Variants in FHIT observed in about 807,000 individuals in gnomAD.
The protein encoded by FHIT is bis(5'-adenosyl)-triphosphatase.
In FHIT, 19 loss-of-function variants were observed where a neutral mutation model predicts 17.9. The observed-to-expected ratio is 1.06, with a 90% CI of 0.74 to 1.56. FHIT has a LOEUF of 1.56. Among genes scored for constraint, FHIT ranks in the 40% most tolerant of loss-of-function variants. The pLI, the probability that FHIT is intolerant of heterozygous loss-of-function variation, is 0.00. For missense variants in FHIT, 248 were observed against 189.2 expected, an observed-to-expected ratio of 1.31 and a Z score of -1.82; for synonymous variants, 81 against 69.7, an observed-to-expected ratio of 1.16 and a Z score of -0.81.
At chr3:60,112,734 G>C (rs1319640442) in intron 5 of FHIT, among the ~76,000 whole-genome samples, 2 of 152,158 alleles carry the variant, frequency 1.3e-5, no homozygotes, top group African/African-American at 4.8e-5. Context: ...AATTCATCTA[G>C]AGCATACGAA....
intron 2 of FHIT, among the ~76,000 whole-genome samples, chr3:61,199,055 G>A (rs1196080023): frequency 6.6e-6 from 1 of 152,076 alleles, no homozygotes; most frequent in Non-Finnish European, 1.5e-5. Context: ...GCCAAAAACA[G>A]TATTATCCCC....
chr3:60,202,113 G>T (rs1024249085), intron 5 of FHIT, among the ~76,000 whole-genome samples: 2 of 152,186 alleles, frequency 1.3e-5, no homozygotes, highest in South Asian at 4.1e-4. Flanking sequence ...GTGCTATAAT[G>T]TTACAGTGGA....
chr3:60,487,707 C>G (rs1402221468), intron 5 of FHIT, among the ~76,000 whole-genome samples: 1 of 152,194 alleles, frequency 6.6e-6, no homozygotes. Flanking sequence ...AAATTCAAAA[C>G]ACTTCATCAT....
At chr3:60,378,948 T>A (rs1206177201) in intron 5 of FHIT, among the ~76,000 whole-genome samples, 2 of 152,232 alleles carry the variant, frequency 1.3e-5, no homozygotes, top group African/African-American at 4.8e-5. Flanking sequence ...TTGCAAGCAC[T>A]ACAATCAAGT....
intron 5 of FHIT, among the ~76,000 whole-genome samples, chr3:60,220,226 G>A (rs1430686706): frequency 6.6e-6 from 1 of 151,982 alleles, no homozygotes; most frequent in African/African-American, 2.4e-5. Context: ...TTTGGTTTTG[G>A]GAACATTTTA....
At chr3:59,958,426 G>C (rs1707509051) in intron 7 of FHIT, among the ~76,000 whole-genome samples, 1 of 152,158 alleles carries the variant, frequency 6.6e-6, no homozygotes, top group African/African-American at 2.4e-5. Context: ...GGCTACGGCA[G>C]AAAGGTAGGC....
chr3:61,159,437 T>C (rs892400177), intron 2 of FHIT, among the ~76,000 whole-genome samples: 2 of 152,192 alleles, frequency 1.3e-5, no homozygotes, highest in African/African-American at 2.4e-5. Flanking sequence ...CTTCATTCAG[T>C]GCACAGAAGA....
intron 2 of FHIT, among the ~76,000 whole-genome samples, chr3:61,085,960 C>G (rs1022114830): frequency 6.6e-6 from 1 of 152,114 alleles, no homozygotes; most frequent in Non-Finnish European, 1.5e-5. Flanking sequence ...TGTTCTGGTA[C>G]GTAGAAATAC....
chr3:60,948,220 C>T (rs1211334569), intron 3 of FHIT, among the ~76,000 whole-genome samples: 1 of 152,110 alleles, frequency 6.6e-6, no homozygotes, highest in African/African-American at 2.4e-5. Context: ...ATATATTAAC[C>T]TTGCTTCTGA....
At chr3:61,214,790 A>C (rs1308581820) in intron 1 of FHIT, among the ~76,000 whole-genome samples, 10 of 152,252 alleles carry the variant, frequency 6.6e-5, no homozygotes, top group Admixed American at 6.5e-4. Flanking sequence ...CCAGCAGCAC[A>C]TCACAAAGCT....
At position 60,561,853 on chromosome 3, in the gene FHIT, T is replaced by G. The variant is rs183353434; in HGVS notation, c.-17-24874A>C. On this transcript the variant is annotated intron_variant, in intron 4 of 9. Coordinates refer to ENST00000492590, the MANE Select transcript of FHIT (RefSeq NM_002012.4). The stretch of plus-strand genomic sequence containing the variant: ...TCTTAATATCAAAACATTCTCTCTT[T>G]TTTATTGCCCAGACTCTGGGAATCT... 4.1e-3 allele frequency among the ~76,000 whole-genome samples: 622 copies of G among 151,990 alleles called. 7 individuals carry two copies. Among genetic ancestry groups the G allele is most frequent in the South Asian group, 0.023 (109 of 4,798 alleles).
chr3:60,989,545 T>C (rs1559891237), intron 3 of FHIT, among the ~76,000 whole-genome samples: 1 of 152,172 alleles, frequency 6.6e-6, no homozygotes, highest in Non-Finnish European at 1.5e-5. Flanking sequence ...TAGGCACAAT[T>C]ATTATTCTGC....
At chr3:60,265,301 T>C (rs1706514478) in intron 5 of FHIT, among the ~76,000 whole-genome samples, 2 of 151,936 alleles carry the variant, frequency 1.3e-5, no homozygotes, top group South Asian at 2.1e-4. Flanking sequence ...CTCTGATATC[T>C]TAAAACATTA....
At chr3:60,248,152 G>GTTCT in intron 5 of FHIT, among the ~76,000 whole-genome samples, 1 of 152,150 alleles carries the variant, frequency 6.6e-6, no homozygotes, top group African/African-American at 2.4e-5. Context: ...GCTGTAAAAC[G>GTTCT]TCCTCAAAGT....
chr3:61,049,915 C>T (rs995012413), intron 2 of FHIT, among the ~76,000 whole-genome samples: 5 of 152,128 alleles, frequency 3.3e-5, no homozygotes, highest in Non-Finnish European at 7.4e-5. Context: ...ATCCTTACCT[C>T]TGAAGACACA....
chr3:60,053,861 T>C (rs1305138012), intron 5 of FHIT, among the ~76,000 whole-genome samples: 3 of 152,138 alleles, frequency 2.0e-5, no homozygotes, highest in African/African-American at 4.8e-5. Context: ...AAACGTTCAA[T>C]AGAGAAACAA....
Position 60,033,267 on chromosome 3 carries a change from G to A in FHIT, c.104-19115C>T, listed in dbSNP as rs532766639. On this transcript the variant is annotated intron_variant, in intron 5 of 9. Coordinates refer to ENST00000492590, the MANE Select transcript of FHIT (RefSeq NM_002012.4). ...AATGAGCACTTTGAGAGGCTGAGGC[G>A]GGGGGATCACCTGAGGCCAGGAGTT... is the stretch of plus-strand genomic sequence containing the variant. Among the ~76,000 whole-genome samples, 59 of 152,190 alleles carry A rather than the reference G, an allele frequency of 3.9e-4. 1 individual carries two copies. In the South Asian group the frequency reaches 0.011, roughly 28 times the overall value.
rs534560763 is a variant in FHIT at position 59,874,779 on chromosome 3, T to TTA, written c.348+47566_348+47567insTA. Among the ~76,000 whole-genome samples, 112 of 152,240 alleles carry TTA rather than the reference T, an allele frequency of 7.4e-4. 3 individuals carry two copies. The highest frequency in any genetic ancestry group is 2.6e-3 in the African/African-American group (107 of 41,544). ...GGATGCAGCAAGAACCAGACAGACC[T>TTA]TGCCTCCTGCTGTTTTCCCCTTTAG... is the stretch of plus-strand genomic sequence containing the variant. On this transcript the variant is annotated intron_variant, in intron 8 of 9. Coordinates refer to ENST00000492590, the MANE Select transcript of FHIT (RefSeq NM_002012.4).
In FHIT at chr3:60,036,338, G is replaced by A. The variant is rs79992532; in HGVS notation, c.104-22186C>T. On this transcript the variant is annotated intron_variant, in intron 5 of 9. Transcript: ENST00000492590. Reference sequence around the variant, plus strand: ...AAACCGTTCATATGGTTAATATACAGAGCATGTTATTTTACCTCATAAGAC... The same window carrying A: ...AAACCGTTCATATGGTTAATATACAAAGCATGTTATTTTACCTCATAAGAC... Among the ~76,000 whole-genome samples, 1,213 of 152,228 alleles carry A rather than the reference G, an allele frequency of 8.0e-3. 14 individuals are homozygous for A. Among genetic ancestry groups the A allele is most frequent in the African/African-American group, 0.028 (1,158 of 41,538 alleles).
Sources: gnomAD v4.1 joint callset for allele counts (sites outside exome capture counted in the v4.1 genomes callset) on GRCh38, gnomAD v4.1.1 for gene constraint, MANE v1.5 for transcripts, NCBI Gene and HGNC (gene_info 2026-07-23, HGNC 2026-07-21) for gene names.